Variants in LRRTM4 observed in about 807,000 individuals in gnomAD.
LRRTM4 encodes leucine rich repeat transmembrane neuronal 4.
LRRTM4 carries 25 observed loss-of-function variants against 47.6 expected under a neutral mutation model. That is an observed-to-expected ratio of 0.53 (90% CI 0.38 to 0.73). The LOEUF is 0.73. Ranked by LOEUF, LRRTM4 falls within the 30% of genes least tolerant of loss-of-function variation. The pLI, the probability that LRRTM4 is intolerant of heterozygous loss-of-function variation, is 0.00. For missense variants in LRRTM4, 638 were observed against 713.4 expected (o/e 0.89, Z 1.20); for synonymous variants, 311 against 269.5 (o/e 1.15, Z -1.51).
intron 3 of LRRTM4, among the ~76,000 whole-genome samples, chr2:77,269,622 T>C (rs1365528759): frequency 6.6e-6 from 1 of 152,194 alleles, no homozygotes. Flanking sequence ...AATAATTTAA[T>C]GAAAGAAAAA....
intron 3 of LRRTM4, among the ~76,000 whole-genome samples, chr2:77,321,019 T>G (rs906027475): frequency 6.6e-6 from 1 of 152,116 alleles, no homozygotes; most frequent in Non-Finnish European, 1.5e-5. Context: ...AATATAGACT[T>G]TGCATTATGT....
chr2:77,381,012 T>A (rs921918118), intron 3 of LRRTM4, among the ~76,000 whole-genome samples: 6 of 152,082 alleles, frequency 3.9e-5, no homozygotes, highest in African/African-American at 1.4e-4. Flanking sequence ...GTTTAGTACC[T>A]GGTTGTTACT....
intron 3 of LRRTM4, among the ~76,000 whole-genome samples, chr2:77,499,068 A>C (rs747000273): frequency 3.3e-5 from 5 of 151,852 alleles, no homozygotes; most frequent in Non-Finnish European, 7.4e-5. Flanking sequence ...TATGCACTAC[A>C]TTAATAATCC....
At chr2:76,868,164 C>T (rs1672517562) in intron 3 of LRRTM4, among the ~76,000 whole-genome samples, 1 of 152,142 alleles carries the variant, frequency 6.6e-6, no homozygotes. Context: ...TTCCTTTCAA[C>T]TGAACTTTGT....
At chr2:76,876,916 G>A (rs1452942492) in intron 3 of LRRTM4, among the ~76,000 whole-genome samples, 2 of 152,040 alleles carry the variant, frequency 1.3e-5, no homozygotes, top group Non-Finnish European at 2.9e-5. Context: ...GAGTCACACT[G>A]TTAAATTGTT....
intron 3 of LRRTM4, among the ~76,000 whole-genome samples, chr2:77,061,801 T>C (rs992317174): frequency 6.6e-6 from 1 of 152,138 alleles, no homozygotes; most frequent in Non-Finnish European, 1.5e-5. Flanking sequence ...TGAACAAACT[T>C]TTTTGCTCTT....
chr2:76,846,990 T>C (rs375087095), intron 3 of LRRTM4, among the ~76,000 whole-genome samples: 44 of 152,306 alleles, frequency 2.9e-4, no homozygotes, highest in African/African-American at 1.0e-3. Flanking sequence ...AGAGATCTTC[T>C]GAGGAGAATA....
At chr2:77,113,763 G>C (rs1671314367) in intron 3 of LRRTM4, among the ~76,000 whole-genome samples, 1 of 152,104 alleles carries the variant, frequency 6.6e-6, no homozygotes, top group Non-Finnish European at 1.5e-5. Flanking sequence ...TGAAACGACA[G>C]GAGGGCGAGG....
At chr2:77,390,425 AG>A (rs1182306818) in intron 3 of LRRTM4, among the ~76,000 whole-genome samples, 1 of 152,066 alleles carries the variant, frequency 6.6e-6, no homozygotes, top group Non-Finnish European at 1.5e-5. Flanking sequence ...TGTTACCAAA[AG>A]TACTGAAACA....
At chr2:77,298,290 G>A (rs1199484418) in intron 3 of LRRTM4, among the ~76,000 whole-genome samples, 2 of 152,216 alleles carry the variant, frequency 1.3e-5, no homozygotes, top group Non-Finnish European at 2.9e-5. Context: ...AGGCTGGAGT[G>A]CAGTGGCACG....
chr2:76,982,686 C>A (rs1435744322), intron 3 of LRRTM4, among the ~76,000 whole-genome samples: 2 of 151,832 alleles, frequency 1.3e-5, no homozygotes, highest in Non-Finnish European at 2.9e-5. Flanking sequence ...CGGAGCTGTA[C>A]AAGCAAAGTC....
At chr2:77,358,759 A>G (rs973202177) in intron 3 of LRRTM4, among the ~76,000 whole-genome samples, 4 of 152,160 alleles carry the variant, frequency 2.6e-5, no homozygotes, top group African/African-American at 9.7e-5. Context: ...AGATATTTTA[A>G]AACTTTGAAA....
chr2:76,944,772 AG>A lies in LRRTM4; in HGVS notation c.1552-195857del, dbSNP rs561652887. On this transcript the variant is annotated intron_variant, in intron 3 of 3. Coordinates refer to ENST00000409884, the MANE Select transcript of LRRTM4 (RefSeq NM_001134745.3). ...AGAAGTGTCCTTCTCAACTTCCCAA[AG>A]TTCATTTTAGATTAATGGGAAGGAA... Among the ~76,000 whole-genome samples, 7 of 152,170 alleles carry A rather than the reference AG, an allele frequency of 4.6e-5. No individual in the cohort carries two copies. The East Asian group carries it at 1.4e-3, about 30-fold the overall frequency.
chr2:76,774,719 C>G (rs1029512753), intron 3 of LRRTM4, among the ~76,000 whole-genome samples: 1 of 152,024 alleles, frequency 6.6e-6, no homozygotes, highest in Non-Finnish European at 1.5e-5. Context: ...TTCCGTGTAA[C>G]TTTATGGAAA....
At chr2:77,294,230 C>G (rs1371038761) in intron 3 of LRRTM4, among the ~76,000 whole-genome samples, 2 of 151,924 alleles carry the variant, frequency 1.3e-5, no homozygotes, top group African/African-American at 4.8e-5. Context: ...ATATAATCAA[C>G]TATTCGATCA....
intron 3 of LRRTM4, among the ~76,000 whole-genome samples, chr2:77,123,258 A>G (rs114434934): frequency 1.4e-3 from 211 of 149,960 alleles, no homozygotes; most frequent in African/African-American, 4.6e-3. Flanking sequence ...TTAATTCATA[A>G]TTCAGTCTTT....
intron 3 of LRRTM4, among the ~76,000 whole-genome samples, chr2:76,915,214 G>C (rs2103791544): frequency 6.6e-6 from 1 of 152,308 alleles, no homozygotes; most frequent in South Asian, 2.1e-4. Context: ...TGAGAAGGAT[G>C]AACAGGTGGA....
rs559107565 is a variant in LRRTM4, at chr2:77,059,354, C to T, written c.1552-310438G>A. Among the ~76,000 whole-genome samples the T allele has an allele frequency of 5.5e-5, 8 of 146,210 alleles. No homozygotes were observed. In the South Asian group the frequency reaches 1.3e-3, roughly 23 times the overall value. On this transcript the variant is annotated intron_variant, in intron 3 of 3. Coordinates refer to ENST00000409884, the MANE Select transcript of LRRTM4 (RefSeq NM_001134745.3). Reference sequence around the variant, plus strand: ...CTTTCAGTAGAGTTGTCTTAATATTCCAAAGTCACTTTTTCTTTATTTCCT... The same window carrying T: ...CTTTCAGTAGAGTTGTCTTAATATTTCAAAGTCACTTTTTCTTTATTTCCT...
intron 3 of LRRTM4, among the ~76,000 whole-genome samples, chr2:77,043,283 A>G (rs999154791): frequency 6.6e-6 from 1 of 151,826 alleles, no homozygotes; most frequent in Admixed American, 6.6e-5. Flanking sequence ...TCCACCAACT[A>G]ATAACTGACT....
Sources: allele counts gnomAD v4.1 joint callset (sites outside exome capture counted in the v4.1 genomes callset), GRCh38; gene constraint gnomAD v4.1.1; transcripts MANE v1.5; gene names NCBI Gene and HGNC (gene_info 2026-07-23, HGNC 2026-07-21).